The following REDIC1 variants were observed in gnomAD, a reference collection of about 807,000 sequenced individuals.
REDIC1 encodes the protein regulator of DNA class I crossover intermediates 1, also known as HEI10 Interacting Protein 1.
the REDIC1 span, among the ~76,000 whole-genome samples, chr12:39,722,887 T>C: frequency 6.6e-6 from 1 of 152,154 alleles, no homozygotes; most frequent in Non-Finnish European, 1.5e-5. Flanking sequence ...AGTGTCTTTA[T>C]TTGCCTAGGA....
the REDIC1 span, among the ~76,000 whole-genome samples, chr12:39,712,598 CAT>C: frequency 8.7e-4 from 123 of 141,884 alleles, 1 homozygote; most frequent in South Asian, 0.017. Flanking sequence ...TACGTATATA[CAT>C]ATATATGTAT....
chr12:39,766,587 C>T, the REDIC1 span, among the ~76,000 whole-genome samples: 1 of 151,944 alleles, frequency 6.6e-6, no homozygotes, highest in Non-Finnish European at 1.5e-5. Context: ...ACTGACTTTT[C>T]CCTTCACTAA....
chr12:39,730,448 T>C, the REDIC1 span, among the ~76,000 whole-genome samples: 1 of 152,244 alleles, frequency 6.6e-6, no homozygotes, highest in Non-Finnish European at 1.5e-5. Context: ...AAATTCTGGG[T>C]TGAAAATTCT....
the REDIC1 span, chr12:39,830,537 C>A: frequency 9.6e-7 from 1 of 1,036,796 alleles, no homozygotes. Context: ...CTTTCCTAAA[C>A]CACTGAGATT....
chr12:39,869,438 T>C, the REDIC1 span, among the ~76,000 whole-genome samples: 1 of 152,160 alleles, frequency 6.6e-6, no homozygotes, highest in Admixed American at 6.5e-5. Context: ...TCTCAAACCA[T>C]TGTTATATCC....
chr12:39,828,373 C>A, the REDIC1 span, among the ~76,000 whole-genome samples: 1 of 151,136 alleles, frequency 6.6e-6, no homozygotes, highest in African/African-American at 2.4e-5. Flanking sequence ...TTACTTTTCT[C>A]TAATTTATGT....
At chr12:39,882,426 G>A in the REDIC1 span, among the ~76,000 whole-genome samples, 1 of 152,120 alleles carries the variant, frequency 6.6e-6, no homozygotes, top group Non-Finnish European at 1.5e-5. Flanking sequence ...TTATACTTAT[G>A]TCATAAATTC....
At chr12:39,656,510 CTTG>C in the REDIC1 span, among the ~76,000 whole-genome samples, 1 of 151,946 alleles carries the variant, frequency 6.6e-6, no homozygotes, top group East Asian at 1.9e-4. Flanking sequence ...TAATAAATGA[CTTG>C]TTAATGGTTT....
chr12:39,715,034 T>G, the REDIC1 span, among the ~76,000 whole-genome samples: 3 of 152,064 alleles, frequency 2.0e-5, no homozygotes, highest in South Asian at 6.2e-4. Flanking sequence ...CTTTTCTGAC[T>G]GTTCCTTTTG....
At chr12:39,803,774 G>A in the REDIC1 span, among the ~76,000 whole-genome samples, 1 of 152,068 alleles carries the variant, frequency 6.6e-6, no homozygotes, top group African/African-American at 2.4e-5. Flanking sequence ...CATCTCACCG[G>A]AATTCCAAAA....
the REDIC1 span, among the ~76,000 whole-genome samples, chr12:39,734,117 T>G: frequency 2.6e-5 from 4 of 152,182 alleles, no homozygotes; most frequent in Admixed American, 2.6e-4. Context: ...GAATGCACAG[T>G]TCCTCACTGC....
chr12:39,653,558 T>TTCTTCTTCTTCTTTCTTCTTCTTCTTC, the REDIC1 span, among the ~76,000 whole-genome samples: 1 of 43,842 alleles, frequency 2.3e-5, no homozygotes, highest in Non-Finnish European at 5.4e-5. Flanking sequence ...CTTCTTCTTC[T>TTCTTCTTCTTCTTTCTTCTTCTTCTTC]TTCTTCTTCT....
At chr12:39,676,882 T>C in the REDIC1 span, among the ~76,000 whole-genome samples, 1 of 152,102 alleles carries the variant, frequency 6.6e-6, no homozygotes, top group Non-Finnish European at 1.5e-5. Context: ...ATAAAGTATT[T>C]TTCAGACAAA....
chr12:39,697,450 C>G, the REDIC1 span, among the ~76,000 whole-genome samples: 1 of 152,082 alleles, frequency 6.6e-6, no homozygotes, highest in African/African-American at 2.4e-5. Context: ...ATAATAAGTA[C>G]ACAGAAAAAC....
chr12:39,776,768 A>C, the REDIC1 span, among the ~76,000 whole-genome samples: 1 of 152,134 alleles, frequency 6.6e-6, no homozygotes, highest in Non-Finnish European at 1.5e-5. Flanking sequence ...ATGCACCTAT[A>C]TTGTAAAACT....
the REDIC1 span, among the ~76,000 whole-genome samples, chr12:39,882,533 C>T: frequency 5.9e-5 from 9 of 152,138 alleles, no homozygotes; most frequent in Non-Finnish European, 1.2e-4. Flanking sequence ...TTGAAATTTC[C>T]GAAGATGCAC....
the REDIC1 span, among the ~76,000 whole-genome samples, chr12:39,713,890 CTT>C: frequency 3.3e-3 from 487 of 147,794 alleles, 3 homozygotes; most frequent in Admixed American, 5.6e-3. Flanking sequence ...CGTATATACA[CTT>C]ATACGTATAT....
the REDIC1 span, among the ~76,000 whole-genome samples, chr12:39,812,363 TTTTC>T: frequency 2.1e-5 from 3 of 145,522 alleles, no homozygotes; most frequent in Non-Finnish European, 4.6e-5. Flanking sequence ...TTTTCTTTTC[TTTTC>T]TTTTCTTTTC....
the REDIC1 span, among the ~76,000 whole-genome samples, chr12:39,780,853 A>T: frequency 2.6e-4 from 40 of 152,316 alleles, no homozygotes; most frequent in East Asian, 7.5e-3. Context: ...TTTTTTAAAA[A>T]AACTTCCCCT....
Sources: allele counts gnomAD v4.1 joint callset (sites outside exome capture counted in the v4.1 genomes callset), GRCh38; gene constraint gnomAD v4.1.1; transcripts MANE v1.5; gene names NCBI Gene and HGNC (gene_info 2026-07-23, HGNC 2026-07-21).